The following MCTP1 variants were observed in gnomAD, a reference collection of about 807,000 sequenced individuals.
MCTP1 encodes multiple C2 and transmembrane domain-containing protein 1.
MCTP1 carries 69 observed loss-of-function variants against 120.6 expected under a neutral mutation model. That is an observed-to-expected ratio of 0.57 (90% CI 0.47 to 0.70). The LOEUF (loss-of-function observed/expected upper bound fraction) is 0.70. MCTP1 is among the 30% of genes least tolerant of loss of function. The pLI is 0.00. For synonymous variants in MCTP1, 529 were observed against 493.1 expected (o/e 1.07, Z -0.96); for missense variants, 1,203 against 1,248.8 (o/e 0.96, Z 0.55).
chr5:95,054,269 G>C (rs1746777028), intron 1 of MCTP1, among the ~76,000 whole-genome samples: 1 of 152,102 alleles, frequency 6.6e-6, no homozygotes. Flanking sequence ...TTTCTCTAGA[G>C]GTCAAATGCA....
chr5:95,175,093 C>A (rs563508183), intron 1 of MCTP1, among the ~76,000 whole-genome samples: 2 of 152,186 alleles, frequency 1.3e-5, no homozygotes, highest in Middle Eastern at 3.4e-3. Context: ...GTTCTCCAGA[C>A]ACAGTGGGAA....
At chr5:95,258,900 A>G (rs1194915790) in intron 1 of MCTP1, among the ~76,000 whole-genome samples, 2 of 152,190 alleles carry the variant, frequency 1.3e-5, no homozygotes, top group East Asian at 1.9e-4. Context: ...GAGCCAAAAT[A>G]TGGGTAGAGT....
intron 1 of MCTP1, among the ~76,000 whole-genome samples, chr5:95,260,782 C>T (rs1480848837): frequency 2.6e-5 from 4 of 152,130 alleles, no homozygotes; most frequent in East Asian, 1.9e-4. Context: ...TCCCCTCGCA[C>T]GTTTCCAGCA....
At chr5:94,894,553 A>G (rs964365175) in intron 11 of MCTP1, 96 bp downstream of exon 11, 27 of 899,408 alleles carry the variant, frequency 3.0e-5, no homozygotes, top group Non-Finnish European at 3.9e-5. Context: ...CTTCCACCAG[A>G]CAACTTCTCA....
At chr5:95,053,066 T>C (rs1432908915) in intron 1 of MCTP1, among the ~76,000 whole-genome samples, 1 of 152,204 alleles carries the variant, frequency 6.6e-6, no homozygotes, top group African/African-American at 2.4e-5. Flanking sequence ...CAAAAAGCAA[T>C]TAATCTATTT....
intron 1 of MCTP1, among the ~76,000 whole-genome samples, chr5:95,232,868 A>G (rs1318648620): frequency 6.6e-6 from 1 of 152,244 alleles, no homozygotes; most frequent in East Asian, 1.9e-4. Context: ...AGGGAAAATG[A>G]AAGTTATTTC....
rs140018549 is a variant in MCTP1, at chr5:95,124,935, A to G, written c.721-107451T>C. Among the ~76,000 whole-genome samples, 679 of 152,376 alleles carry G rather than the reference A, an allele frequency of 4.5e-3. 13 individuals are homozygous for G. The highest frequency in any genetic ancestry group is 0.016 in the African/African-American group (650 of 41,592). ...AAGTGCTTTTATCTGGACATCAAAG[A>G]TACCACTTCACCTAGAACAGGTTAT... On this transcript the variant is annotated intron_variant, in intron 1 of 22. Coordinates refer to ENST00000515393, the MANE Select transcript of MCTP1 (RefSeq NM_024717.7).
intron 1 of MCTP1, among the ~76,000 whole-genome samples, chr5:95,141,083 C>T (rs1445105473): frequency 6.6e-6 from 1 of 152,062 alleles, no homozygotes; most frequent in East Asian, 1.9e-4. Flanking sequence ...CCTATGCCAT[C>T]TCTCTTTCCT....
intron 17 of MCTP1, among the ~76,000 whole-genome samples, chr5:94,852,978 ATG>A (rs1794042447): frequency 1.3e-5 from 2 of 152,054 alleles, no homozygotes; most frequent in Admixed American, 1.3e-4. Context: ...TAACAAATAT[ATG>A]ACTCACAAAT....
chr5:94,728,772 C>T (rs1415932540), intron 19 of MCTP1, among the ~76,000 whole-genome samples: 6 of 152,136 alleles, frequency 3.9e-5, no homozygotes, highest in African/African-American at 1.4e-4. Flanking sequence ...CATTTTCTTT[C>T]CCCCGCACTG....
At chr5:94,860,541 T>G (rs1382428235) in intron 17 of MCTP1, among the ~76,000 whole-genome samples, 1 of 151,816 alleles carries the variant, frequency 6.6e-6, no homozygotes, top group Admixed American at 6.6e-5. Flanking sequence ...TAATTTTGCA[T>G]AAAGATCACA....
chr5:94,824,448 G>A (rs1257216598), intron 17 of MCTP1, among the ~76,000 whole-genome samples: 1 of 152,174 alleles, frequency 6.6e-6, no homozygotes, highest in Non-Finnish European at 1.5e-5. Flanking sequence ...CGTTTTGCCA[G>A]TATTTTACTG....
chr5:94,713,779 T>C (rs956609398), intron 20 of MCTP1, among the ~76,000 whole-genome samples: 4 of 152,118 alleles, frequency 2.6e-5, no homozygotes, highest in Non-Finnish European at 4.4e-5. Flanking sequence ...TGTGGAAATA[T>C]ACAAAATAAA....
chr5:94,854,226 C>T (rs1004191569), intron 17 of MCTP1, among the ~76,000 whole-genome samples: 11 of 151,762 alleles, frequency 7.2e-5, no homozygotes, highest in Non-Finnish European at 7.4e-5. Context: ...TAGTTATATA[C>T]GCCAAAACAC....
chr5:95,222,453 A>G (rs184109537), intron 1 of MCTP1, among the ~76,000 whole-genome samples: 1 of 152,378 alleles, frequency 6.6e-6, no homozygotes, highest in African/African-American at 2.4e-5. Context: ...CTAATTTTAA[A>G]GATTCTTTCA....
intron 1 of MCTP1, among the ~76,000 whole-genome samples, chr5:95,040,845 C>G (rs940237579): frequency 6.6e-6 from 1 of 152,154 alleles, no homozygotes; most frequent in African/African-American, 2.4e-5. Context: ...AGGGCTCAAT[C>G]TTTCCTCCTG....
At chr5:94,741,974 T>C (rs142743192) in intron 19 of MCTP1, among the ~76,000 whole-genome samples, 75 of 152,312 alleles carry the variant, frequency 4.9e-4, no homozygotes, top group African/African-American at 1.8e-3. Context: ...CTTAACCCAG[T>C]GCTTGGCTCA....
At chr5:94,958,548 A>G (rs1561926759) in intron 2 of MCTP1, among the ~76,000 whole-genome samples, 1 of 152,204 alleles carries the variant, frequency 6.6e-6, no homozygotes, top group African/African-American at 2.4e-5. Context: ...AAAAGAGAGA[A>G]GAATCAAATA....
chr5:94,815,220 C>G (rs1210243894), intron 17 of MCTP1, among the ~76,000 whole-genome samples: 1 of 152,178 alleles, frequency 6.6e-6, no homozygotes, highest in Non-Finnish European at 1.5e-5. Context: ...TTTATGCCAG[C>G]ACTTCCAAAA....
Sources: gnomAD v4.1 joint callset for allele counts (sites outside exome capture counted in the v4.1 genomes callset) on GRCh38, gnomAD v4.1.1 for gene constraint, MANE v1.5 for transcripts, NCBI Gene and HGNC (gene_info 2026-07-23, HGNC 2026-07-21) for gene names.